CROCC: variants seen among roughly 807,000 people sequenced by gnomAD.
CROCC encodes the protein rootletin.
Under a neutral mutation model 245.2 loss-of-function variants are expected in CROCC, and 180 were observed. The ratio of observed to expected loss-of-function variants is 0.73; its 90% CI spans 0.65 to 0.83. The LOEUF is 0.83. CROCC is among the 40% of genes least tolerant of loss of function. CROCC has a pLI of 0.00. For missense variants in CROCC, 2,688 were observed against 2,779.4 expected, an observed-to-expected ratio of 0.97 and a Z score of 0.74; for synonymous variants, 1,205 against 1,241.6, an observed-to-expected ratio of 0.97 and a Z score of 0.62.
chr1:16,953,205 G>A (rs1000437740), intron 20 of CROCC, 97 bp from the exon 21 acceptor site: 8 of 1,072,768 alleles, frequency 7.5e-6, no homozygotes, highest in Non-Finnish European at 1.1e-5. Flanking sequence ...ATCTCTGAGG[G>A]TATGGGGGCC....
chr1:16,947,468 C>CAATAATAAT (rs71006403), intron 17 of CROCC, among the ~76,000 whole-genome samples: 5,865 of 146,258 alleles, frequency 0.04, 52 homozygotes, highest in African/African-American at 0.093. Flanking sequence ...GACTCCGTCT[C>CAATAATAAT]AATAATAATA....
intron 30 of CROCC, 86 bp from the exon 31 acceptor site, chr1:16,968,117 A>G (rs2076448555): frequency 7.2e-7 from 1 of 1,387,324 alleles, no homozygotes; most frequent in Non-Finnish European, 1.0e-6. Context: ...GCTGCTCCCC[A>G]CTTTCCCCCT....
intron 20 of CROCC, among the ~76,000 whole-genome samples, chr1:16,952,547 T>C (rs993724503): frequency 6.6e-6 from 1 of 151,804 alleles, no homozygotes; most frequent in South Asian, 2.1e-4. Context: ...GGGCAAGTGC[T>C]GAGGCAGGCA....
At chr1:16,932,777 C>A (rs2075706901) in intron 8 of CROCC, among the ~76,000 whole-genome samples, 1 of 152,276 alleles carries the variant, frequency 6.6e-6, no homozygotes, top group Non-Finnish European at 1.5e-5. Context: ...GTCAGCTCAA[C>A]AGTAGTGTCA....
At chr1:16,927,972 C>T (rs1275499820) in intron 3 of CROCC, among the ~76,000 whole-genome samples, 3 of 152,292 alleles carry the variant, frequency 2.0e-5, no homozygotes, top group Admixed American at 2.0e-4. Context: ...GATGTCCTTG[C>T]TTTGTCTGTG....
At chr1:16,956,856 A>G (rs2076257426) in intron 25 of CROCC, among the ~76,000 whole-genome samples, 1 of 152,190 alleles carries the variant, frequency 6.6e-6, no homozygotes, top group South Asian at 2.1e-4. Context: ...GCATGTATTG[A>G]AGAAGCACCT....
At chr1:16,946,524 CTCTG>C (rs1415345654) in intron 16 of CROCC, 119 bp downstream of exon 16, 6 of 1,383,306 alleles carry the variant, frequency 4.3e-6, no homozygotes, top group Non-Finnish European at 5.0e-6. Flanking sequence ...GTCCCTGGTT[CTCTG>C]TCTGTCTCTG....
At position 16,948,300 on chromosome 1, in the gene CROCC, G is replaced by A. The variant is rs200545498; in HGVS notation, c.2515-31G>A. ...CGATGAACAAGCTGGGGGACGCTGG[G>A]AGTGCTACTCAGTCTCTGGGTGGGG... On this transcript the variant is annotated intron_variant, in intron 17 of 36. Coordinates refer to ENST00000375541, the MANE Select transcript of CROCC (RefSeq NM_014675.5). The A allele has an allele frequency of 2.0e-4, 307 of 1,522,384 alleles. No homozygotes were observed. In the African/African-American group the frequency reaches 3.8e-3, roughly 19 times the overall value. The allele number at this position is 1,522,384 out of a possible 1,614,324, so 94.3% of individuals were successfully genotyped here.
intron 1 of CROCC, among the ~76,000 whole-genome samples, chr1:16,916,369 GA>G (rs1249598689): frequency 1.3e-5 from 2 of 152,286 alleles, no homozygotes; most frequent in African/African-American, 2.4e-5. Context: ...TTGAGTGGGT[GA>G]GGGGATGAGC....
At chr1:16,946,712 C>T in intron 16 of CROCC, 49 bp from the exon 17 acceptor site, 1 of 1,524,788 alleles carries the variant, frequency 6.6e-7, no homozygotes, top group Non-Finnish European at 8.9e-7. Flanking sequence ...CGTCCTGGTC[C>T]TGGGAGGGAC....
At chr1:16,914,128 G>A (rs1422461804) in intron 1 of CROCC, among the ~76,000 whole-genome samples, 2 of 151,248 alleles carry the variant, frequency 1.3e-5, no homozygotes, top group South Asian at 2.1e-4. Flanking sequence ...TGCGGCGAAG[G>A]CGCGCGAAGG....
At chr1:16,936,336 C>T (rs1254980411) in intron 8 of CROCC, among the ~76,000 whole-genome samples, 2 of 152,248 alleles carry the variant, frequency 1.3e-5, no homozygotes, top group East Asian at 1.9e-4. Context: ...GTCATGATCT[C>T]GGCTTACTGC....
At chr1:16,932,514 C>T (rs1188624044) in intron 8 of CROCC, among the ~76,000 whole-genome samples, 6 of 152,178 alleles carry the variant, frequency 3.9e-5, no homozygotes, top group Admixed American at 2.0e-4. Flanking sequence ...AGGGAATGTC[C>T]TCGAGGCTCA....
At chr1:16,915,404 T>C (rs1373555735) in intron 1 of CROCC, among the ~76,000 whole-genome samples, 1 of 152,296 alleles carries the variant, frequency 6.6e-6, no homozygotes, top group Non-Finnish European at 1.5e-5. Context: ...AACCTGGCAC[T>C]TTGGGAGGCT....
At chr1:16,922,104 C>G in intron 1 of CROCC, 26 bp downstream of exon 1, 1 of 1,525,630 alleles carries the variant, frequency 6.6e-7, no homozygotes, top group Non-Finnish European at 8.8e-7. Flanking sequence ...TGTGCCCACC[C>G]TGTCTGGGGC....
intron 8 of CROCC, among the ~76,000 whole-genome samples, chr1:16,934,218 A>T (rs1421723425): frequency 4.6e-5 from 7 of 152,264 alleles, no homozygotes; most frequent in Non-Finnish European, 1.0e-4. Flanking sequence ...TTCTGGAATG[A>T]GGCACTTTCT....
rs1189114589 is a variant in CROCC at position 16,939,170 on chromosome 1, G to T, written c.1608+28G>T. On this transcript the variant is annotated intron_variant, in intron 12 of 36. Coordinates refer to ENST00000375541, the MANE Select transcript of CROCC (RefSeq NM_014675.5). ...AGGAAGGGGCTTGAGCGTTCTGGGC[G>T]CAGCCAGAGGCCTGGGGGAGGGGCT... 8 of 1,414,012 alleles carry T rather than the reference G, an allele frequency of 5.7e-6. No homozygotes were observed. In the Admixed American group the frequency reaches 9.9e-5, roughly 17 times the overall value. 87.6% of individuals were successfully genotyped at this position (1,414,012 alleles called of 1,614,324 possible). A position where few individuals can be genotyped will look rare whatever the true frequency, so the allele number is the denominator to read the frequency against.
chr1:16,961,344 A>G (rs1166896598), intron 27 of CROCC, among the ~76,000 whole-genome samples: 2 of 149,466 alleles, frequency 1.3e-5, no homozygotes, highest in Admixed American at 6.7e-5. Context: ...TTTTTTCTTT[A>G]GACCAGGCCT....
At chr1:16,961,174 C>T (rs932990132) in intron 27 of CROCC, 44 bp downstream of exon 27, 7 of 1,279,690 alleles carry the variant, frequency 5.5e-6, no homozygotes, top group East Asian at 3.2e-5. Context: ...GGTGGGCGGG[C>T]CGCACTGAGG....
Sources: gnomAD v4.1 joint callset for allele counts (sites outside exome capture counted in the v4.1 genomes callset) on GRCh38, gnomAD v4.1.1 for gene constraint, MANE v1.5 for transcripts, NCBI Gene and HGNC (gene_info 2026-07-23, HGNC 2026-07-21) for gene names.